PROSER1: variants seen among roughly 807,000 people sequenced by gnomAD.
PROSER1 encodes proline and serine rich 1.
PROSER1 carries 36 observed loss-of-function variants against 71.8 expected under a neutral mutation model. The observed-to-expected ratio is 0.50, with a 90% CI of 0.38 to 0.66. PROSER1 has a LOEUF of 0.66. Among genes scored for constraint, PROSER1 ranks in the 30% least tolerant of loss-of-function variants. PROSER1 has a pLI of 0.00. For missense variants in PROSER1, 1,107 were observed against 1,135.0 expected, an observed-to-expected ratio of 0.98 and a Z score of 0.35; for synonymous variants, 490 against 452.4, an observed-to-expected ratio of 1.08 and a Z score of -1.06.
At chr13:39,022,054 A>G (rs1293003760) in intron 9 of PROSER1, among the ~76,000 whole-genome samples, 1 of 152,204 alleles carries the variant, frequency 6.6e-6, no homozygotes, top group Non-Finnish European at 1.5e-5. Flanking sequence ...CTGTATCCAC[A>G]GCACACAACA....
At chr13:39,035,638 T>C (rs1159481143) in intron 1 of PROSER1, among the ~76,000 whole-genome samples, 1 of 152,056 alleles carries the variant, frequency 6.6e-6, no homozygotes, top group African/African-American at 2.4e-5. Flanking sequence ...TTCTACTCCC[T>C]TTCCCAGTTC....
chr13:39,013,905 T>C lies in PROSER1; in HGVS notation c.1347A>G (p.Val449=). The C allele has an allele frequency of 6.2e-7, 1 of 1,614,128 alleles. No homozygotes were observed. Among genetic ancestry groups the C allele is most frequent in the Non-Finnish European group, 8.5e-7 (1 of 1,180,022 alleles). Residue 449 remains valine, a synonymous_variant, in exon 11 of 13, where the codon GTA becomes GTG. Transcript: ENST00000352251. ...TSQGLSNPTP[V]IAGGSTPSVA... ...CGCTGGGAGTAGAGCCACCAGCAATTACAGGAGTCGGGTTGGATAGGCCTT... is the reference window on the plus strand; with the variant it reads ...CGCTGGGAGTAGAGCCACCAGCAATCACAGGAGTCGGGTTGGATAGGCCTT...
rs764586902 is a variant in PROSER1, at chr13:39,037,515, G to C, written c.-273C>G. ...TCACACAATGGTTCAGGGCACCTCG[G>C]GCAAGAGCCAGGTCCTCTGAGTTTT... On this transcript the variant is annotated 5_prime_UTR_variant, in exon 1 of 13. Coordinates refer to ENST00000352251, the MANE Select transcript of PROSER1 (RefSeq NM_025138.5). 9.7e-5 allele frequency: 34 copies of C among 351,446 alleles called. No homozygotes were observed. Among genetic ancestry groups the C allele is most frequent in the Non-Finnish European group, 1.7e-4 (34 of 194,586 alleles). The allele number at this position is 351,446 out of a possible 1,614,324, so 21.8% of individuals were successfully genotyped here.
At position 39,015,948 on chromosome 13, in the gene PROSER1, T is replaced by C. The variant is rs555789172; in HGVS notation, c.776-1472A>G. On this transcript the variant is annotated intron_variant, in intron 10 of 12. Transcript: ENST00000352251. ...GTAAATAATGTACCAAAAAGGTATT[T>C]AAGTCCATAGGTGTTGGGTATCATT... 2.6e-5 allele frequency among the ~76,000 whole-genome samples: 4 copies of C among 152,334 alleles called. No individual in the cohort carries two copies. In the South Asian group the frequency reaches 8.3e-4, roughly 32 times the overall value.
intron 12 of PROSER1, 130 bp from the exon 13 acceptor site, chr13:39,011,617 A>C (rs1045970539): frequency 2.2e-6 from 2 of 894,116 alleles, no homozygotes; most frequent in Admixed American, 3.1e-5. Context: ...GAGGCACAAT[A>C]AAGTCTGCTC....
Position 39,022,378 on chromosome 13 carries a change from C to T in PROSER1, c.678G>A (p.Ala226=), listed in dbSNP as rs776945658. The change falls in exon 9 of 13, where the codon GCG becomes GCA. Residue 226 remains alanine, a synonymous_variant. Transcript: ENST00000352251. The stretch of plus-strand genomic sequence containing the variant: ...GAGGTGGAGGTGGAGCTATGACATT[C>T]GCTAATGGTACCAGACCTGCATTGT... ...AYNNAGLVPL[A]NVIAPPPPPY... 1.2e-6 allele frequency: 2 copies of T among 1,612,860 alleles called. No homozygotes were observed. The highest frequency in any genetic ancestry group is 1.1e-5 in the South Asian group (1 of 91,048).
At chr13:39,027,255 C>A (rs764802052) in intron 5 of PROSER1, among the ~76,000 whole-genome samples, 2 of 152,092 alleles carry the variant, frequency 1.3e-5, no homozygotes, top group Non-Finnish European at 1.5e-5. Flanking sequence ...ATAAAGAGTA[C>A]CGGGGTGAAT....
chr13:39,013,489 C>T lies in PROSER1; in HGVS notation c.1763G>A (p.Gly588Asp), dbSNP rs1178193893. ...AGATGAAATATGCAGATCTGAGGTA[C>T]CTGGGTGGGGGCCACGCAAAAGGGA... is the stretch of plus-strand genomic sequence containing the variant. ...SASLLRGPHPGTSDLHISSTP... is the reference protein window; with the variant it reads ...SASLLRGPHPDTSDLHISSTP... The change falls in exon 11 of 13, where the codon GGT (glycine) becomes GAT (aspartate). Residue 588 changes from glycine to aspartate, a missense_variant. By Grantham distance (94) the Gly-to-Asp change is moderately conservative (BLOSUM62 -1). Coordinates refer to ENST00000352251, the MANE Select transcript of PROSER1 (RefSeq NM_025138.5). 1.1e-5 allele frequency: 17 copies of T among 1,613,892 alleles called. No individual in the cohort carries two copies. Among genetic ancestry groups the T allele is most frequent in the African/African-American group, 2.7e-5 (2 of 74,878 alleles).
At chr13:39,024,111 T>C (rs1208782229) in intron 7 of PROSER1, among the ~76,000 whole-genome samples, 1 of 152,162 alleles carries the variant, frequency 6.6e-6, no homozygotes, top group Non-Finnish European at 1.5e-5. Context: ...ATCACTATCT[T>C]GTAAATACTT....
rs779195167 is a variant in PROSER1 at position 39,013,101 on chromosome 13, C to T, written c.2151G>A (p.Pro717=). The T allele has an allele frequency of 1.2e-5, 20 of 1,613,756 alleles. No homozygotes were observed. Among genetic ancestry groups the T allele is most frequent in the East Asian group, 2.2e-5 (1 of 44,882 alleles). Residue 717 remains proline, a synonymous_variant, in exon 11 of 13, where the codon CCG becomes CCA. Transcript: ENST00000352251. Reference sequence around the variant, plus strand: ...TTAATGACCCTGGGAGAGATACTGACGGATTAAGAGATGGGTTGCCAGTTA... The same window carrying T: ...TTAATGACCCTGGGAGAGATACTGATGGATTAAGAGATGGGTTGCCAGTTA... ...FPLTGNPSLN[P]SVSLPGSLIA...
chr13:39,024,424 CTT>C, intron 7 of PROSER1, 47 bp downstream of exon 7: 3 of 1,344,970 alleles, frequency 2.2e-6, no homozygotes, highest in Non-Finnish European at 3.1e-6. Flanking sequence ...AAAAAGGAAA[CTT>C]TATGTAGGAA....
chr13:39,026,065 AATC>A (rs142841312), intron 6 of PROSER1, among the ~76,000 whole-genome samples: 4,858 of 152,286 alleles, frequency 0.032, 109 homozygotes, highest in South Asian at 0.1. Context: ...TGAAAAATAA[AATC>A]ATCCTCTCTT....
chr13:39,029,062 T>A (rs1231657885), intron 4 of PROSER1: 2 of 345,976 alleles, frequency 5.8e-6, no homozygotes, highest in African/African-American at 4.2e-5. Context: ...ATACAAAAAA[T>A]CAAATTAAAC....
At chr13:39,019,972 G>A (rs552671981) in intron 9 of PROSER1, among the ~76,000 whole-genome samples, 27 of 150,506 alleles carry the variant, frequency 1.8e-4, no homozygotes, top group Admixed American at 7.9e-4. Flanking sequence ...ATAAAGTCAG[G>A]ACAATATTAT....
chr13:39,033,884 C>T (rs1236721527), intron 2 of PROSER1, among the ~76,000 whole-genome samples: 1 of 152,140 alleles, frequency 6.6e-6, no homozygotes, highest in African/African-American at 2.4e-5. Flanking sequence ...ACCATAAACA[C>T]TTTGAATTGC....
At chr13:39,021,884 C>T (rs540230397) in intron 9 of PROSER1, among the ~76,000 whole-genome samples, 8 of 152,212 alleles carry the variant, frequency 5.3e-5, no homozygotes, top group African/African-American at 1.9e-4. Flanking sequence ...TCTAAGATGC[C>T]ACTTGCTATA....
At chr13:39,032,922 A>AT (rs11405662) in intron 2 of PROSER1, among the ~76,000 whole-genome samples, 25,043 of 145,018 alleles carry the variant, frequency 0.17, 2,692 homozygotes, top group African/African-American at 0.29. Context: ...AAAACATTTA[A>AT]TTTTTTTTTT....
intron 10 of PROSER1, among the ~76,000 whole-genome samples, chr13:39,016,554 A>G (rs1870016648): frequency 6.6e-6 from 1 of 152,256 alleles, no homozygotes; most frequent in South Asian, 2.1e-4. Context: ...TATTCCTGCC[A>G]ATGGTACTTA....
chr13:39,019,516 C>CA (rs1183602451), intron 9 of PROSER1, among the ~76,000 whole-genome samples: 6,069 of 39,916 alleles, frequency 0.15, 479 homozygotes, highest in African/African-American at 0.19. Flanking sequence ...AACTCTGTCT[C>CA]AAAAAAAAAA....
Sources: gnomAD v4.1 joint callset for allele counts (sites outside exome capture counted in the v4.1 genomes callset) on GRCh38, gnomAD v4.1.1 for gene constraint, MANE v1.5 for transcripts, NCBI Gene and HGNC (gene_info 2026-07-23, HGNC 2026-07-21) for gene names.